CHD6: variants seen among roughly 807,000 people sequenced by gnomAD.
The protein encoded by CHD6 is ATP-dependent chromatin remodeler CHD6.
Under a neutral mutation model 276.9 loss-of-function variants are expected in CHD6, and 50 were observed. The ratio of observed to expected loss-of-function variants is 0.18; its 90% CI spans 0.14 to 0.23. The LOEUF (loss-of-function observed/expected upper bound fraction) is 0.23, where lower values mean the gene tolerates loss of function less well. Ranked by LOEUF, CHD6 falls within the 10% of genes least tolerant of loss-of-function variation. The pLI, the probability that CHD6 is intolerant of heterozygous loss-of-function variation, is 1.00. For missense variants in CHD6, 2,564 were observed against 3,365.8 expected, an observed-to-expected ratio of 0.76 and a Z score of 5.89; for synonymous variants, 1,173 against 1,229.3, an observed-to-expected ratio of 0.95 and a Z score of 0.96.
intron 17 of CHD6, among the ~76,000 whole-genome samples, chr20:41,470,435 C>T (rs181721830): frequency 4.6e-5 from 7 of 152,232 alleles, no homozygotes; most frequent in East Asian, 3.9e-4. Flanking sequence ...ATTCTCCTTA[C>T]GAACTCCCAC....
rs147162595 is a variant in CHD6, at chr20:41,460,275, C to A, written c.2665-2847G>T. On this transcript the variant is annotated intron_variant, in intron 17 of 36. Transcript: ENST00000373233. Reference sequence around the variant, plus strand: ...TTGGAAAATTTGCAGCCTGACTATGCGATAGAAAAGAAAAATCAATTTTCT... The same window carrying A: ...TTGGAAAATTTGCAGCCTGACTATGAGATAGAAAAGAAAAATCAATTTTCT... 1.2e-3 allele frequency among the ~76,000 whole-genome samples: 176 copies of A among 152,184 alleles called. 1 individual carries two copies. Among genetic ancestry groups the A allele is most frequent in the African/African-American group, 4.1e-3 (172 of 41,510 alleles).
In CHD6 at chr20:41,533,239, C is replaced by T. The variant is rs762642233; in HGVS notation, c.365G>A (p.Arg122Gln). 7.2e-5 allele frequency: 116 copies of T among 1,613,560 alleles called. No individual in the cohort carries two copies. Among genetic ancestry groups the T allele is most frequent in the Admixed American group, 2.2e-4 (13 of 59,886 alleles). The change falls in exon 3 of 37, where the codon CGA (arginine) becomes CAA (glutamine). Residue 122 changes from arginine (R) to glutamine (Q), a missense_variant. Physicochemically the swap from Arg to Gln is conservative, Grantham distance 43. This residue lies in a region of CHD6 where 286 missense variants were observed against 297.8 expected (regional missense o/e 0.96). Transcript: ENST00000373233. ...KDREPKPKRK[R>Q]EPKEPKEPRK... ...GGGTTCCTTTGGCTCTTTCGGTTCT[C>T]GTTTCCTCTTTGGCTTGGGCTCTCT... is the stretch of plus-strand genomic sequence containing the variant.
Position 41,489,799 on chromosome 20 carries a change from T to C in CHD6, c.1659A>G (p.Glu553=), listed in dbSNP as rs763874474. 1.1e-5 allele frequency: 17 copies of C among 1,613,942 alleles called. No individual in the cohort carries two copies. The East Asian group carries it at 3.6e-4, about 34-fold the overall frequency. The change falls in exon 12 of 37, where the codon GAA becomes GAG. Residue 553 remains glutamate, a synonymous_variant. Coordinates refer to ENST00000373233, the MANE Select transcript of CHD6 (RefSeq NM_032221.5). ...QISRQMIQQY[E]MVYRDAQGNP... ...TCACCTGGGCGTCTCTGTACACCAT[T>C]TCATACTGCTGGATCATCTGCCTGC...
In CHD6 at chr20:41,493,601, A is replaced by G. The variant is rs1251752414; in HGVS notation, c.1251T>C (p.Asp417=). The G allele has an allele frequency of 1.2e-6, 2 of 1,613,918 alleles. No individual in the cohort carries two copies. The highest frequency in any genetic ancestry group is 8.5e-7 in the Non-Finnish European group (1 of 1,179,844). ...ATTCTTTAACTTTTGCAGGATCTAC[A>G]TCTTCCTCTAGCTCCCACGTGCTTT... ...YEESTWELEE[D]VDPAKVKEFE... Residue 417 remains aspartate, a synonymous_variant, in exon 10 of 37, where the codon GAT becomes GAC. Transcript: ENST00000373233.
intron 1 of CHD6, among the ~76,000 whole-genome samples, chr20:41,615,944 C>T (rs2045931310): frequency 6.6e-6 from 1 of 152,202 alleles, no homozygotes; most frequent in African/African-American, 2.4e-5. Flanking sequence ...ACATAGTAGC[C>T]CAAGGGCCGC....
At chr20:41,548,832 G>C (rs1209713613) in intron 2 of CHD6, among the ~76,000 whole-genome samples, 1 of 151,838 alleles carries the variant, frequency 6.6e-6, no homozygotes, top group African/African-American at 2.4e-5. Context: ...AGTAGGCAAA[G>C]GATATGAACA....
intron 3 of CHD6, among the ~76,000 whole-genome samples, chr20:41,524,708 G>A (rs1366515138): frequency 6.6e-6 from 1 of 152,184 alleles, no homozygotes; most frequent in Non-Finnish European, 1.5e-5. Context: ...TGATAGGAAA[G>A]TTGATGAATT....
rs187874700 is a variant in CHD6 at position 41,482,782 on chromosome 20, A to T, written c.2468+527T>A. Among the ~76,000 whole-genome samples, 6 of 152,338 alleles carry T rather than the reference A, an allele frequency of 3.9e-5. No individual in the cohort carries two copies. The East Asian group carries it at 1.2e-3, about 29-fold the overall frequency. ...GAGGAATGTAACTTAGATTCAAGGA[A>T]TTCTAAGAGTATGAACAAGAAAATA... On this transcript the variant is annotated intron_variant, in intron 16 of 36. Coordinates refer to ENST00000373233, the MANE Select transcript of CHD6 (RefSeq NM_032221.5).
intron 3 of CHD6, among the ~76,000 whole-genome samples, chr20:41,524,693 C>CA (rs1385939587): frequency 6.6e-6 from 1 of 152,184 alleles, no homozygotes; most frequent in Non-Finnish European, 1.5e-5. Context: ...TGGCTACTGA[C>CA]ATCCTGATAG....
intron 17 of CHD6, among the ~76,000 whole-genome samples, chr20:41,471,697 T>C (rs1053088059): frequency 2.0e-5 from 3 of 151,470 alleles, no homozygotes; most frequent in African/African-American, 7.3e-5. Context: ...CACGCCTGGC[T>C]AATTTTTTTT....
chr20:41,473,654 A>G lies in CHD6; in HGVS notation c.2469-137T>C. The G allele has an allele frequency of 1.5e-6, 1 of 668,618 alleles. No individual in the cohort carries two copies. Among genetic ancestry groups the G allele is most frequent in the Non-Finnish European group, 2.6e-6 (1 of 391,446 alleles). The allele number at this position is 668,618 out of a possible 1,614,324, so 41.4% of individuals were successfully genotyped here. A position where few individuals can be genotyped will look rare whatever the true frequency, so the allele number is the denominator to read the frequency against. ...TTTGGACCAAATGACAGCAGTCTAGAAGGAATCCTGCCCCCTACATATGCA... is the reference window on the plus strand; with the variant it reads ...TTTGGACCAAATGACAGCAGTCTAGGAGGAATCCTGCCCCCTACATATGCA... On this transcript the variant is annotated intron_variant, in intron 16 of 36. Transcript: ENST00000373233. This position sits in a 1 kb window ranked among gnomAD's most constrained non-coding sequence, Gnocchi z 4.1.
At chr20:41,536,529 T>C (rs1601109889) in intron 2 of CHD6, among the ~76,000 whole-genome samples, 1 of 152,314 alleles carries the variant, frequency 6.6e-6, no homozygotes, top group Admixed American at 6.5e-5. Context: ...TTAACAATTA[T>C]TCAAGAACTT....
chr20:41,616,370 C>T (rs913669585), intron 1 of CHD6, among the ~76,000 whole-genome samples: 2 of 152,136 alleles, frequency 1.3e-5, no homozygotes, highest in African/African-American at 4.8e-5. Flanking sequence ...GAATAAAAAA[C>T]GTGACTCCAG....
chr20:41,544,794 T>C (rs1282794070), intron 2 of CHD6, among the ~76,000 whole-genome samples: 2 of 151,356 alleles, frequency 1.3e-5, no homozygotes, highest in African/African-American at 2.4e-5. Context: ...TGTGTATGTA[T>C]AGTAATATTA....
intron 27 of CHD6, among the ~76,000 whole-genome samples, chr20:41,435,873 G>A (rs951679878): frequency 6.6e-6 from 1 of 152,080 alleles, no homozygotes; most frequent in African/African-American, 2.4e-5. Flanking sequence ...GTATTGCTAC[G>A]GCACTCAGGA....
intron 27 of CHD6, among the ~76,000 whole-genome samples, chr20:41,430,570 A>T (rs2047505846): frequency 6.6e-6 from 1 of 152,228 alleles, no homozygotes; most frequent in African/African-American, 2.4e-5. Context: ...TATCTAGAGA[A>T]TTACAAGTCT....
At chr20:41,559,179 A>ACACACACACACAG (rs1568701892) in intron 1 of CHD6, among the ~76,000 whole-genome samples, 6 of 146,444 alleles carry the variant, frequency 4.1e-5, no homozygotes, top group African/African-American at 1.5e-4. Context: ...CACACACACA[A>ACACACACACACAG]AGTAAACTTT....
chr20:41,584,926 G>A (rs2045577755), intron 1 of CHD6, among the ~76,000 whole-genome samples: 1 of 151,890 alleles, frequency 6.6e-6, no homozygotes, highest in Admixed American at 6.6e-5. Context: ...AAAGGAAGCA[G>A]AAGAAATCAT....
At chr20:41,612,737 C>A (rs1601197655) in intron 1 of CHD6, among the ~76,000 whole-genome samples, 1 of 152,238 alleles carries the variant, frequency 6.6e-6, no homozygotes, top group East Asian at 1.9e-4. Context: ...TAGATAGAGT[C>A]CAGATATATT....
Sources: gnomAD v4.1 joint callset for allele counts (sites outside exome capture counted in the v4.1 genomes callset) on GRCh38, gnomAD v4.1.1 for gene constraint, gnomAD v4.1.1 regional missense constraint, Gnocchi (gnomAD v3.1) non-coding constraint, MANE v1.5 for transcripts, NCBI Gene and HGNC (gene_info 2026-07-23, HGNC 2026-07-21) for gene names.